The following NFIA variants were observed in gnomAD, a reference collection of about 807,000 sequenced individuals.
The protein encoded by NFIA is nuclear factor I A, also known as nuclear factor 1 A-type.
In NFIA, 8 loss-of-function variants were observed where a neutral mutation model predicts 62.8. The ratio of observed to expected loss-of-function variants is 0.13; its 90% CI spans 0.07 to 0.23. The LOEUF is 0.23. NFIA is among the 10% of genes least tolerant of loss of function. NFIA has a pLI of 1.00. For missense variants in NFIA, 410 were observed against 642.1 expected (o/e 0.64, Z 3.91); for synonymous variants, 235 against 238.1 (o/e 0.99, Z 0.12).
intron 2 of NFIA, among the ~76,000 whole-genome samples, chr1:61,174,036 A>G (rs1017885372): frequency 2.0e-5 from 3 of 152,168 alleles, no homozygotes; most frequent in African/African-American, 7.2e-5. Flanking sequence ...GTGGATGGAG[A>G]CAAGGATGGC....
intron 2 of NFIA, among the ~76,000 whole-genome samples, chr1:61,178,773 G>A (rs1446165247): frequency 6.6e-6 from 1 of 152,212 alleles, no homozygotes; most frequent in Non-Finnish European, 1.5e-5. Flanking sequence ...TTGTTTCTGT[G>A]GTTTGGGTTT....
chr1:61,363,316 G>A (rs999810617), intron 6 of NFIA, among the ~76,000 whole-genome samples: 83 of 152,096 alleles, frequency 5.5e-4, no homozygotes, highest in African/African-American at 1.9e-3. Flanking sequence ...TAGTTAAAAC[G>A]TTATAAAGCC....
At chr1:61,359,446 G>C (rs1003235277) in intron 6 of NFIA, among the ~76,000 whole-genome samples, 172 bp downstream of exon 6, 1 of 152,244 alleles carries the variant, frequency 6.6e-6, no homozygotes, top group African/African-American at 2.4e-5. Context: ...AAGGATGGCT[G>C]TGCAAAGCAG....
chr1:61,131,774 G>A (rs1461648814), intron 2 of NFIA, among the ~76,000 whole-genome samples: 2 of 152,190 alleles, frequency 1.3e-5, no homozygotes, highest in Non-Finnish European at 2.9e-5. Flanking sequence ...GATCAGTCAG[G>A]ATAGTAAGTA....
At position 61,387,468 on chromosome 1, in the gene NFIA, C is replaced by CTGT. The variant is rs1171901984; in HGVS notation, c.1075+4104_1075+4105insGTT. Reference sequence around the variant, plus strand: ...TCCCCCAGATCAGCTCAAGCACTTTCTTTTTTTTTTTTTTTTTTTTTTTGA... The same window carrying CTGT: ...TCCCCCAGATCAGCTCAAGCACTTTCTGTTTTTTTTTTTTTTTTTTTTTTTTGA... On this transcript the variant is annotated intron_variant, in intron 7 of 10. Transcript: ENST00000403491. Among the ~76,000 whole-genome samples the CTGT allele has an allele frequency of 8.8e-3, 845 of 95,496 alleles. 24 individuals carry two copies. The highest frequency in any genetic ancestry group is 0.034 in the African/African-American group (815 of 24,316). The allele number at this position is 95,496 out of a possible 152,430, so 62.6% of individuals were successfully genotyped here.
intron 2 of NFIA, among the ~76,000 whole-genome samples, chr1:61,218,786 AGTTT>A (rs1390287819): frequency 3.3e-5 from 5 of 152,220 alleles, no homozygotes; most frequent in African/African-American, 1.2e-4. Flanking sequence ...ATGGTCACTG[AGTTT>A]GTTTGCAAGT....
chr1:61,207,552 T>C (rs879336966), intron 2 of NFIA, among the ~76,000 whole-genome samples: 2 of 152,184 alleles, frequency 1.3e-5, no homozygotes, highest in Admixed American at 6.5e-5. Flanking sequence ...TAGAGTTCAG[T>C]TGATGATAGT....
At chr1:61,106,694 A>G (rs963661184) in intron 2 of NFIA, among the ~76,000 whole-genome samples, 1 of 151,634 alleles carries the variant, frequency 6.6e-6, no homozygotes, top group African/African-American at 2.4e-5. Context: ...ATATAAATAT[A>G]TATGTAACTT....
intron 2 of NFIA, among the ~76,000 whole-genome samples, chr1:61,144,825 T>G (rs1266093735): frequency 6.6e-6 from 1 of 152,190 alleles, no homozygotes; most frequent in Non-Finnish European, 1.5e-5. Flanking sequence ...TTCCTTTGTA[T>G]TAGCCATTAG....
chr1:61,161,291 G>T (rs1445777812), intron 2 of NFIA, among the ~76,000 whole-genome samples: 3 of 152,136 alleles, frequency 2.0e-5, no homozygotes, highest in African/African-American at 4.8e-5. Flanking sequence ...TGTACATTTG[G>T]AAATACATCT....
intron 2 of NFIA, among the ~76,000 whole-genome samples, chr1:61,132,460 C>T (rs1647098188): frequency 6.6e-6 from 1 of 152,180 alleles, no homozygotes; most frequent in Admixed American, 6.5e-5. Context: ...AAGAAATGAG[C>T]ATTTTCTTAA....
At chr1:61,123,508 T>G (rs2100474889) in intron 2 of NFIA, among the ~76,000 whole-genome samples, 1 of 152,346 alleles carries the variant, frequency 6.6e-6, no homozygotes, top group African/African-American at 2.4e-5. Flanking sequence ...GATCTGGGCA[T>G]GTGATGGGTG....
intron 2 of NFIA, among the ~76,000 whole-genome samples, chr1:61,131,307 A>G (rs937225088): frequency 1.3e-5 from 2 of 152,212 alleles, no homozygotes; most frequent in African/African-American, 2.4e-5. Context: ...CAAAAGATCA[A>G]TTAATGTTAT....
chr1:61,193,156 A>C (rs1034509275), intron 2 of NFIA, among the ~76,000 whole-genome samples: 9 of 152,178 alleles, frequency 5.9e-5, no homozygotes, highest in Non-Finnish European at 1.2e-4. Flanking sequence ...AAACCTATCA[A>C]AGTTGGCAGA....
chr1:61,243,572 C>A (rs4915734), intron 2 of NFIA, among the ~76,000 whole-genome samples: 23,703 of 151,958 alleles, frequency 0.16, 3,577 homozygotes, highest in African/African-American at 0.38. Context: ...ATTACATATT[C>A]ATTGATGATT....
chr1:61,114,729 A>G (rs907457904), intron 2 of NFIA, among the ~76,000 whole-genome samples: 4 of 152,012 alleles, frequency 2.6e-5, no homozygotes, highest in Non-Finnish European at 5.9e-5. Flanking sequence ...ATAAGTTTGG[A>G]CATGGTATGC....
At chr1:61,154,811 A>G (rs1570276232) in intron 2 of NFIA, among the ~76,000 whole-genome samples, 1 of 152,256 alleles carries the variant, frequency 6.6e-6, no homozygotes, top group Non-Finnish European at 1.5e-5. Flanking sequence ...ATCTGCATAT[A>G]AACCAGTCTT....
At chr1:61,222,019 A>G (rs1654045965) in intron 2 of NFIA, among the ~76,000 whole-genome samples, 1 of 152,138 alleles carries the variant, frequency 6.6e-6, no homozygotes. Flanking sequence ...TGAACTCTGT[A>G]CAACATTTTT....
intron 2 of NFIA, among the ~76,000 whole-genome samples, chr1:61,170,401 G>A (rs1424861082): frequency 6.6e-6 from 1 of 152,142 alleles, no homozygotes; most frequent in African/African-American, 2.4e-5. Flanking sequence ...CCTTCAAGAC[G>A]CTGTAGGGCT....
Sources: allele counts gnomAD v4.1 joint callset (sites outside exome capture counted in the v4.1 genomes callset), GRCh38; gene constraint gnomAD v4.1.1; transcripts MANE v1.5; gene names NCBI Gene and HGNC (gene_info 2026-07-23, HGNC 2026-07-21).